C2CD2: variants seen among roughly 807,000 people sequenced by gnomAD.
The protein encoded by C2CD2 is C2 domain-containing protein 2.
Under a neutral mutation model 74.3 loss-of-function variants are expected in C2CD2, and 43 were observed. The ratio of observed to expected loss-of-function variants is 0.58; its 90% confidence interval spans 0.45 to 0.75. The LOEUF (loss-of-function observed/expected upper bound fraction) is 0.75, where lower values mean the gene tolerates loss of function less well. C2CD2 is among the 30% of genes least tolerant of loss of function. The pLI is 0.00. For missense variants in C2CD2, 801 were observed against 916.3 expected, an observed-to-expected ratio of 0.87 and a Z score of 1.63; for synonymous variants, 422 against 390.7, an observed-to-expected ratio of 1.08 and a Z score of -0.94.
At position 41,952,580 on chromosome 21, in the gene C2CD2, T is replaced by C. The variant is rs374326967; in HGVS notation, c.279+790A>G. The stretch of plus-strand genomic sequence containing the variant: ...AGTACATGCCAGGAGCTTGTCGTTA[T>C]ACTAAGATGTCTTAAAAGCAAAAAT... On this transcript the variant is annotated intron_variant, in intron 1 of 13. Coordinates refer to ENST00000380486, the MANE Select transcript of C2CD2 (RefSeq NM_015500.2). 3.9e-5 allele frequency among the ~76,000 whole-genome samples: 6 copies of C among 152,352 alleles called. No individual in the cohort carries two copies. The East Asian group carries it at 1.2e-3, about 29-fold the overall frequency.
At chr21:41,922,868 C>T (rs1326113510) in intron 2 of C2CD2, among the ~76,000 whole-genome samples, 1 of 152,190 alleles carries the variant, frequency 6.6e-6, no homozygotes, top group Non-Finnish European at 1.5e-5. Flanking sequence ...AGATTAAAAC[C>T]TTTTCTATAA....
chr21:41,929,067 T>C lies in C2CD2; in HGVS notation c.379-6982A>G, dbSNP rs1395663340. On this transcript the variant is annotated intron_variant, in intron 2 of 13. Coordinates refer to ENST00000380486, the MANE Select transcript of C2CD2 (RefSeq NM_015500.2). The surrounding 1 kb of genome is among the most constrained non-coding windows in gnomAD (Gnocchi z 4.6). Reference sequence around the variant, plus strand: ...GAGTTTAAAATGAGCCTGGGCAATATAGTGAGATCCCACCTCTAAAAAATA... The same window carrying C: ...GAGTTTAAAATGAGCCTGGGCAATACAGTGAGATCCCACCTCTAAAAAATA... Among the ~76,000 whole-genome samples, 2 of 150,556 alleles carry C rather than the reference T, an allele frequency of 1.3e-5. No homozygotes were observed. Among genetic ancestry groups the C allele is most frequent in the African/African-American group, 2.5e-5 (1 of 40,752 alleles).
At position 41,924,797 on chromosome 21, in the gene C2CD2, A is replaced by C. The variant is rs2065191372; in HGVS notation, c.379-2712T>G. ...TACTAAGCTAATCAGCATTGTACCAAGAAAACAGACTCAGAGCCTCAACCC... is the reference window on the plus strand; with the variant it reads ...TACTAAGCTAATCAGCATTGTACCACGAAAACAGACTCAGAGCCTCAACCC... On this transcript the variant is annotated intron_variant, in intron 2 of 13. Transcript: ENST00000380486. The surrounding 1 kb of genome is among the most constrained non-coding windows in gnomAD (Gnocchi z 4.4). Among the ~76,000 whole-genome samples, 1 of 152,248 alleles carries C rather than the reference A, an allele frequency of 6.6e-6. No homozygotes were observed. The highest frequency in any genetic ancestry group is 2.4e-5 in the African/African-American group (1 of 41,466).
At chr21:41,909,801 AC>A (rs1474010844) in intron 7 of C2CD2, among the ~76,000 whole-genome samples, 1 of 152,186 alleles carries the variant, frequency 6.6e-6, no homozygotes, top group Admixed American at 6.6e-5. Context: ...GGCACGGAGC[AC>A]TGGAGAGGTG....
intron 1 of C2CD2, among the ~76,000 whole-genome samples, chr21:41,947,437 G>T (rs1183465981): frequency 6.6e-6 from 1 of 152,034 alleles, no homozygotes; most frequent in Non-Finnish European, 1.5e-5. Context: ...GATTACAGGC[G>T]TGAGCCACTG....
intron 2 of C2CD2, among the ~76,000 whole-genome samples, chr21:41,934,337 G>C (rs1232576463): frequency 6.6e-6 from 1 of 152,178 alleles, no homozygotes; most frequent in African/African-American, 2.4e-5. Context: ...GGCTGAGGCA[G>C]GAGGACTGTT....
intron 1 of C2CD2, among the ~76,000 whole-genome samples, chr21:41,952,068 G>A (rs1241371217): frequency 6.6e-6 from 1 of 152,182 alleles, no homozygotes; most frequent in South Asian, 2.1e-4. Context: ...TCCTGGATGT[G>A]AGGCCAACAG....
chr21:41,906,416 A>C (rs2064962513), intron 10 of C2CD2, among the ~76,000 whole-genome samples: 1 of 152,138 alleles, frequency 6.6e-6, no homozygotes, highest in Non-Finnish European at 1.5e-5. Context: ...TCCAGGCTGT[A>C]GTGCAATGGT....
Position 41,888,953 on chromosome 21 carries a change from T to G in C2CD2, c.*171A>C. The G allele has an allele frequency of 1.6e-6, 1 of 624,024 alleles. No individual in the cohort carries two copies. The highest frequency in any genetic ancestry group is 2.0e-5 in the South Asian group (1 of 50,998). 38.7% of individuals were successfully genotyped at this position (624,024 alleles called of 1,614,324 possible). A position where few individuals can be genotyped will look rare whatever the true frequency, so the allele number is the denominator to read the frequency against. Reference sequence around the variant, plus strand: ...TTTTTTGTCCTCTCTGGGAGAAGCCTCCTGGCTGGAGACTCAGATTTTGTT... The same window carrying G: ...TTTTTTGTCCTCTCTGGGAGAAGCCGCCTGGCTGGAGACTCAGATTTTGTT... On this transcript the variant is annotated 3_prime_UTR_variant, in exon 14 of 14. Transcript: ENST00000380486.
intron 1 of C2CD2, among the ~76,000 whole-genome samples, chr21:41,948,605 A>G (rs540237834): frequency 4.9e-4 from 74 of 152,270 alleles, no homozygotes; most frequent in Non-Finnish European, 8.8e-4. Flanking sequence ...CACAGCCCCA[A>G]AGAGGCCCAA....
At position 41,885,513 on chromosome 21, in the gene C2CD2, G is replaced by A. The variant is rs185631123; in HGVS notation, c.*3611C>T. 43 of 152,748 alleles carry A rather than the reference G, an allele frequency of 2.8e-4. No individual in the cohort carries two copies. The highest frequency in any genetic ancestry group is 1.0e-3 in the African/African-American group (42 of 41,560). 9.5% of individuals were successfully genotyped at this position (152,748 alleles called of 1,614,324 possible). On this transcript the variant is annotated 3_prime_UTR_variant, in exon 14 of 14. Transcript: ENST00000380486. ...CTGAGTTTGCTCTGCAGGATTCCGC[G>A]GGGGCCTTGCCCTGTGCAGGCTGCT...
intron 10 of C2CD2, among the ~76,000 whole-genome samples, chr21:41,906,551 G>GT (rs1965423829): frequency 2.0e-5 from 3 of 152,144 alleles, no homozygotes; most frequent in Non-Finnish European, 4.4e-5. Context: ...TTTTAGTAGA[G>GT]ATGGGGTTTC....
intron 1 of C2CD2, among the ~76,000 whole-genome samples, chr21:41,948,282 C>T (rs962073786): frequency 2.6e-5 from 4 of 152,126 alleles, no homozygotes; most frequent in African/African-American, 4.8e-5. Flanking sequence ...TGCCCCGAGC[C>T]GGCTTTGTGC....
At chr21:41,902,675 C>T (rs987296566) in intron 11 of C2CD2, among the ~76,000 whole-genome samples, 3 of 152,158 alleles carry the variant, frequency 2.0e-5, no homozygotes, top group African/African-American at 4.8e-5. Context: ...CTTACAGATG[C>T]TGCATTTCCA....
chr21:41,914,145 G>C (rs1399150886), intron 6 of C2CD2, among the ~76,000 whole-genome samples: 2 of 152,088 alleles, frequency 1.3e-5, no homozygotes, highest in Non-Finnish European at 2.9e-5. Context: ...AGAATCGCTT[G>C]AACCCAGGAG....
chr21:41,891,453 G>C (rs1414257673), intron 13 of C2CD2, among the ~76,000 whole-genome samples: 10 of 152,240 alleles, frequency 6.6e-5, no homozygotes, highest in African/African-American at 2.4e-4. Flanking sequence ...TGCTGATGTG[G>C]CTAACTGCCT....
At chr21:41,933,112 T>C (rs1007960904) in intron 2 of C2CD2, among the ~76,000 whole-genome samples, 4 of 149,438 alleles carry the variant, frequency 2.7e-5, no homozygotes, top group Admixed American at 1.3e-4. Context: ...CAACCACATG[T>C]CCCTTGTCAA....
chr21:41,912,305 A>G lies in C2CD2; in HGVS notation c.953+27T>C, dbSNP rs759982843. On this transcript the variant is annotated intron_variant, in intron 7 of 13. Transcript: ENST00000380486. ...CCTGAACAGACACGGCCGTGGACAC[A>G]CAGGCCCATAACCCGGCCAGACTCA... is the stretch of plus-strand genomic sequence containing the variant. 3 of 1,417,784 alleles carry G rather than the reference A, an allele frequency of 2.1e-6. No homozygotes were observed. In the African/African-American group the frequency reaches 4.2e-5, roughly 20 times the overall value. 87.8% of individuals were successfully genotyped at this position (1,417,784 alleles called of 1,614,324 possible).
At chr21:41,894,062 G>A (rs1000958081) in intron 13 of C2CD2, among the ~76,000 whole-genome samples, 3 of 152,170 alleles carry the variant, frequency 2.0e-5, no homozygotes, top group East Asian at 1.9e-4. Context: ...ATATGTGCCC[G>A]TGTGCAAATC....
Sources: gnomAD v4.1 joint callset for allele counts (sites outside exome capture counted in the v4.1 genomes callset) on GRCh38, gnomAD v4.1.1 for gene constraint, Gnocchi (gnomAD v3.1) non-coding constraint, MANE v1.5 for transcripts, NCBI Gene and HGNC (gene_info 2026-07-23, HGNC 2026-07-21) for gene names.